The following THTPA variants were observed in gnomAD, a reference collection of about 807,000 sequenced individuals.
THTPA encodes thiamine triphosphatase, also known as thiamine-triphosphatase.
A neutral mutation model predicts 16.5 loss-of-function variants in THTPA; 16 were observed. The ratio of observed to expected loss-of-function variants is 0.97; its 90% CI spans 0.66 to 1.47. THTPA has a LOEUF of 1.47. Ranked by LOEUF, THTPA falls within the 40% of genes most tolerant of loss-of-function variation. The pLI is 0.00. For missense variants in THTPA, 281 were observed against 280.9 expected (o/e 1.00, Z 0.00); for synonymous variants, 110 against 115.5 (o/e 0.95, Z 0.30).
upstream of THTPA, chr14:23,555,957 T>C (rs903098798): frequency 6.6e-5 from 10 of 152,258 alleles, no homozygotes; most frequent in African/African-American, 1.2e-4. Flanking sequence ...CGGGGCGAGA[T>C]GGCAAAGTCT....
the THTPA span, among the ~76,000 whole-genome samples, chr14:23,520,609 G>A: frequency 0.046 from 7,075 of 152,234 alleles, 270 homozygotes; most frequent in African/African-American, 0.11. This position sits in a 1 kb window ranked among gnomAD's most constrained non-coding sequence, Gnocchi z 8.7. Flanking sequence ...AACTCAGGGA[G>A]CGGGGACATG....
rs1057017275 is a variant in THTPA, at chr14:23,556,636, T to C, written c.-122T>C. On this transcript the variant is annotated 5_prime_UTR_variant, in exon 1 of 2. Coordinates refer to ENST00000288014, the MANE Select transcript of THTPA (RefSeq NM_024328.6). The stretch of plus-strand genomic sequence containing the variant: ...AGCCCTAGAGACTATTGCGACACAG[T>C]GTGCCCCTCATAAGTTTTTCCAGGG... 1.0e-5 allele frequency: 10 copies of C among 982,730 alleles called. No homozygotes were observed. Among genetic ancestry groups the C allele is most frequent in the Non-Finnish European group, 1.5e-5 (10 of 677,400 alleles). 60.9% of individuals were successfully genotyped at this position (982,730 alleles called of 1,614,324 possible). A position where few individuals can be genotyped will look rare whatever the true frequency, so the allele number is the denominator to read the frequency against.
chr14:23,528,629 C>T, the THTPA span: 6 of 985,332 alleles, frequency 6.1e-6, no homozygotes, highest in Non-Finnish European at 7.2e-6. Flanking sequence ...GGGGCCCTAC[C>T]TGTCTGCTCA....
Position 23,557,030 on chromosome 14 carries a change from A to G in THTPA, c.273A>G (p.Gln91=). The G allele has an allele frequency of 6.2e-7, 1 of 1,614,126 alleles. No homozygotes were observed. ...CAGCGGAACCTACAATTGTGGCCCAACTCTGTAAGGTGCTGCGGGCTGACG... is the reference window on the plus strand; with the variant it reads ...CAGCGGAACCTACAATTGTGGCCCAGCTCTGTAAGGTGCTGCGGGCTGACG... ...ELTAEPTIVA[Q]LCKVLRADGL... Residue 91 remains glutamine (Q), a synonymous_variant, in exon 1 of 2, where the codon CAA becomes CAG. Coordinates refer to ENST00000288014, the MANE Select transcript of THTPA (RefSeq NM_024328.6).
the THTPA span, among the ~76,000 whole-genome samples, chr14:23,549,371 T>C: frequency 6.6e-6 from 1 of 152,192 alleles, no homozygotes; most frequent in South Asian, 2.1e-4. Flanking sequence ...TCTGCCCATG[T>C]CTGCCTGCTC....
intron 1 of THTPA, among the ~76,000 whole-genome samples, chr14:23,558,459 A>C (rs2139005266): frequency 6.6e-6 from 1 of 152,146 alleles, no homozygotes; most frequent in African/African-American, 2.4e-5. Context: ...TTGCTGGAGG[A>C]GAGAGGCTGA....
chr14:23,550,168 G>T, the THTPA span, among the ~76,000 whole-genome samples: 1 of 152,228 alleles, frequency 6.6e-6, no homozygotes, highest in African/African-American at 2.4e-5. Flanking sequence ...ACAGGCACAT[G>T]GCAAAGGGGA....
chr14:23,524,414 C>A, the THTPA span: 1 of 1,536,086 alleles, frequency 6.5e-7, no homozygotes, highest in Admixed American at 2.0e-5. This position sits in a 1 kb window ranked among gnomAD's most constrained non-coding sequence, Gnocchi z 5.6. Flanking sequence ...TGCTTCACTG[C>A]CTGTGGGAGA....
At chr14:23,527,593 C>T in the THTPA span, 1 of 1,536,692 alleles carries the variant, frequency 6.5e-7, no homozygotes, top group South Asian at 1.2e-5. Context: ...CCTCACCCAG[C>T]CTGTACTCAC....
chr14:23,523,087 T>C, the THTPA span: 293,822 of 1,398,646 alleles, frequency 0.21, 32,858 homozygotes, highest in Admixed American at 0.31. This position sits in a 1 kb window ranked among gnomAD's most constrained non-coding sequence, Gnocchi z 4.1. Context: ...AAGAGCCTGA[T>C]GCAAAGGAAG....
At chr14:23,531,358 T>C in the THTPA span, 1 of 1,280,960 alleles carries the variant, frequency 7.8e-7, no homozygotes, top group Non-Finnish European at 1.0e-6. Context: ...TCTTCCCATT[T>C]AGTATAGGTG....
chr14:23,538,761 G>A, the THTPA span, among the ~76,000 whole-genome samples: 2 of 152,092 alleles, frequency 1.3e-5, no homozygotes, highest in African/African-American at 4.8e-5. Context: ...GGTGTAGGGT[G>A]GAGGTTGGGG....
chr14:23,513,829 T>A, the THTPA span: 1 of 152,566 alleles, frequency 6.6e-6, no homozygotes, highest in Non-Finnish European at 1.5e-5. Context: ...TTGCTGTCCC[T>A]CTAGAAGCTC....
chr14:23,559,706 G>A lies in THTPA; in HGVS notation c.*866G>A. 1 of 1,597,234 alleles carries A rather than the reference G, an allele frequency of 6.3e-7. No homozygotes were observed. Among genetic ancestry groups the A allele is most frequent in the Non-Finnish European group, 8.6e-7 (1 of 1,167,180 alleles). On this transcript the variant is annotated 3_prime_UTR_variant, in exon 2 of 2. Transcript: ENST00000288014. ...GGTTCGAAGCTGCTGGGGCCCCCTG[G>A]GGTTTGGGACACAGGAGAATTTCAG...
rs1317663354 is a variant in THTPA, at chr14:23,559,451, G to GC, written c.*616dup. 4 of 372,136 alleles carry GC rather than the reference G, an allele frequency of 1.1e-5. No homozygotes were observed. Among genetic ancestry groups the GC allele is most frequent in the Non-Finnish European group, 2.0e-5 (4 of 197,016 alleles). 23.1% of individuals were successfully genotyped at this position (372,136 alleles called of 1,614,324 possible). On this transcript the variant is annotated 3_prime_UTR_variant, in exon 2 of 2. Transcript: ENST00000288014. Reference sequence around the variant, plus strand: ...AAGAACCAACAGCTGCCCCCTCCCCGCCCCCGTGTTGAGACAGGTTCTCAA... The same window carrying GC: ...AAGAACCAACAGCTGCCCCCTCCCCGCCCCCCGTGTTGAGACAGGTTCTCAA...
chr14:23,555,048 C>T (rs887868970), upstream of THTPA, among the ~76,000 whole-genome samples: 2 of 152,182 alleles, frequency 1.3e-5, no homozygotes, highest in African/African-American at 2.4e-5. Context: ...AGTGCAGTGG[C>T]GCCATCTCAG....
At chr14:23,550,026 TAAA>T in the THTPA span, among the ~76,000 whole-genome samples, 1 of 151,576 alleles carries the variant, frequency 6.6e-6, no homozygotes, top group Non-Finnish European at 1.5e-5. Context: ...AATGGGGAAA[TAAA>T]AAATATACAA....
the THTPA span, chr14:23,522,663 G>A: frequency 5.9e-5 from 91 of 1,536,488 alleles, 2 homozygotes; most frequent in South Asian, 9.9e-4. Flanking sequence ...CCCCCCAACA[G>A]GGCTGGGACA....
the THTPA span, chr14:23,526,057 G>C: frequency 1.3e-6 from 2 of 1,536,472 alleles, no homozygotes; most frequent in Non-Finnish European, 8.7e-7. Flanking sequence ...CGCCTTCCTT[G>C]GGCTCTTCTT....
Sources: allele counts gnomAD v4.1 joint callset (sites outside exome capture counted in the v4.1 genomes callset), GRCh38; gene constraint gnomAD v4.1.1; non-coding constraint Gnocchi (gnomAD v3.1); transcripts MANE v1.5; gene names NCBI Gene and HGNC (gene_info 2026-07-23, HGNC 2026-07-21).